The following RAX variants were observed in gnomAD, a reference collection of about 807,000 sequenced individuals.
RAX encodes retina and anterior neural fold homeobox.
Under a neutral mutation model 17.4 loss-of-function variants are expected in RAX, and 11 were observed. The observed-to-expected ratio is 0.63, with a 90% confidence interval of 0.40 to 1.05. The LOEUF (loss-of-function observed/expected upper bound fraction) is 1.05. Ranked by LOEUF, RAX falls within the 50% of genes least tolerant of loss-of-function variation. The pLI is 0.00. For synonymous variants in RAX, 276 were observed against 254.7 expected (o/e 1.08, Z -0.80); for missense variants, 527 against 501.1 (o/e 1.05, Z -0.49).
chr18:59,272,811 C>A, intron 1 of RAX, 107 bp downstream of exon 1: 1 of 1,431,992 alleles, frequency 7.0e-7, no homozygotes, highest in Non-Finnish European at 9.2e-7. Context: ...GTCCCCAACC[C>A]CGCGCCCAGT....
Position 59,272,422 on chromosome 18 carries a change from G to C in RAX, c.482C>G (p.Pro161Arg), listed in dbSNP as rs1383068323. The change falls in exon 2 of 3, where the codon CCG becomes CGG. Residue 161 changes from proline to arginine, a missense_variant. By Grantham distance (103) the Pro-to-Arg change is moderately radical (BLOSUM62 -2). Transcript: ENST00000334889. ...LERAFEKSHY[P>R]DVYSREELAG... ...CAGCTCCTCGCGGCTGTACACGTCCGGGTAGTGGGACTTCTCGAACGCGCG... is the reference window on the plus strand; with the variant it reads ...CAGCTCCTCGCGGCTGTACACGTCCCGGTAGTGGGACTTCTCGAACGCGCG... 1.2e-6 allele frequency: 2 copies of C among 1,614,108 alleles called. No homozygotes were observed. The highest frequency in any genetic ancestry group is 1.3e-5 in the African/African-American group (1 of 74,944).
intron 2 of RAX, among the ~76,000 whole-genome samples, 156 bp downstream of exon 2, chr18:59,272,205 A>T (rs748714160): frequency 6.6e-6 from 1 of 152,242 alleles, no homozygotes; most frequent in Non-Finnish European, 1.5e-5. Context: ...CACAGGGAAC[A>T]TCGAAGATCT....
At chr18:59,270,337 C>T (rs1015460865) in intron 2 of RAX, among the ~76,000 whole-genome samples, 1 of 152,110 alleles carries the variant, frequency 6.6e-6, no homozygotes, top group African/African-American at 2.4e-5. Context: ...TTTTACATTA[C>T]AAAGTTAATT....
Position 59,269,064 on chromosome 18 carries a change from C to A in RAX, c.981G>T (p.Ala327=), listed in dbSNP as rs1224172301. 2 of 1,612,774 alleles carry A rather than the reference C, an allele frequency of 1.2e-6. No individual in the cohort carries two copies. Among genetic ancestry groups the A allele is most frequent in the Non-Finnish European group, 1.7e-6 (2 of 1,179,776 alleles). ...TGTGCTCCTTGGCTTTCAGACGCAG[C>A]GCCGCGATGCTGCTGTTGCGCGGGT... The part of the protein sequence containing the change: ...EADPRNSSIA[A]LRLKAKEHIQ... The change falls in exon 3 of 3, where the codon GCG becomes GCT. Residue 327 remains alanine (A), a synonymous_variant. Coordinates refer to ENST00000334889, the MANE Select transcript of RAX (RefSeq NM_013435.3).
Position 59,269,199 on chromosome 18 carries a change from G to A in RAX, c.846C>T (p.Pro282=), listed in dbSNP as rs2070311074. The change falls in exon 3 of 3, where the codon CCC becomes CCT. Residue 282 remains proline, a synonymous_variant. Coordinates refer to ENST00000334889, the MANE Select transcript of RAX (RefSeq NM_013435.3). Reference sequence around the variant, plus strand: ...GGCCCAACGGCGGGGAGTTCAGGAAGGGCGGAGGCGGCGGCGGTGGCGTGT... The same window carrying A: ...GGCCCAACGGCGGGGAGTTCAGGAAAGGCGGAGGCGGCGGCGGTGGCGTGT... ...ASYTPPPPPP[P]FLNSPPLGPG... 1 of 1,532,386 alleles carries A rather than the reference G, an allele frequency of 6.5e-7. No individual in the cohort carries two copies. The highest frequency in any genetic ancestry group is 2.0e-5 in the Admixed American group (1 of 51,100). 94.9% of individuals were successfully genotyped at this position (1,532,386 alleles called of 1,614,324 possible).
chr18:59,268,582 A>G lies in RAX; in HGVS notation c.*422T>C. 3.9e-6 allele frequency: 1 copy of G among 253,342 alleles called. No individual in the cohort carries two copies. The highest frequency in any genetic ancestry group is 7.5e-6 in the Non-Finnish European group (1 of 132,578). The allele number at this position is 253,342 out of a possible 1,614,324, so 15.7% of individuals were successfully genotyped here. ...AATAGTTTGAAACTACTTATACAAAAGTTTCTCAAACTCTATTTTTCCGCC... is the reference window on the plus strand; with the variant it reads ...AATAGTTTGAAACTACTTATACAAAGGTTTCTCAAACTCTATTTTTCCGCC... On this transcript the variant is annotated 3_prime_UTR_variant, in exon 3 of 3. Transcript: ENST00000334889. The surrounding 1 kb of genome is among the most constrained non-coding windows in gnomAD (Gnocchi z 4.4).
In RAX at chr18:59,272,447, G is replaced by C. The variant is rs780624068; in HGVS notation, c.457C>G (p.Arg153Gly). 2.5e-6 allele frequency: 4 copies of C among 1,614,202 alleles called. No individual in the cohort carries two copies. The highest frequency in any genetic ancestry group is 3.4e-6 in the Non-Finnish European group (4 of 1,180,050). ...GGGTAGTGGGACTTCTCGAACGCGC[G>C]CTCCAGCTCATGCAGCTGGTACGTG... Reference protein sequence around the residue: ...FTTYQLHELERAFEKSHYPDV... With the variant: ...FTTYQLHELEGAFEKSHYPDV... Residue 153 changes from arginine (R) to glycine (G), a missense_variant, in exon 2 of 3, where the codon CGC (arginine) becomes GGC (glycine). Transcript: ENST00000334889.
At chr18:59,269,886 A>G (rs772496269) in intron 2 of RAX, among the ~76,000 whole-genome samples, 20 of 152,052 alleles carry the variant, frequency 1.3e-4, no homozygotes, top group Non-Finnish European at 2.6e-4. Flanking sequence ...GCGTAGCAGA[A>G]GCTCAGAAAA....
In RAX at chr18:59,268,713, G is replaced by C. The variant is rs3744892; in HGVS notation, c.*291C>G. The C allele has an allele frequency of 5.5e-6, 3 of 546,872 alleles. No homozygotes were observed. The highest frequency in any genetic ancestry group is 9.7e-6 in the Non-Finnish European group (3 of 309,946). The allele number at this position is 546,872 out of a possible 1,614,324, so 33.9% of individuals were successfully genotyped here. Reference sequence around the variant, plus strand: ...GGGCCTGGAGGCTCCAGCGCCTGCGGTGATGGGAGCGGCGTGGCCAGCGGG... The same window carrying C: ...GGGCCTGGAGGCTCCAGCGCCTGCGCTGATGGGAGCGGCGTGGCCAGCGGG... On this transcript the variant is annotated 3_prime_UTR_variant, in exon 3 of 3. Transcript: ENST00000334889. This position sits in a 1 kb window ranked among gnomAD's most constrained non-coding sequence, Gnocchi z 4.4.
intron 2 of RAX, among the ~76,000 whole-genome samples, chr18:59,269,941 C>A (rs1003538642): frequency 6.6e-6 from 1 of 152,122 alleles, no homozygotes; most frequent in Admixed American, 6.5e-5. Context: ...AACTTTGAAA[C>A]GAGATCTCAC....
At position 59,269,212 on chromosome 18, in the gene RAX, G is replaced by C; in HGVS notation, c.833C>G (p.Pro278Arg). 1 of 1,530,454 alleles carries C rather than the reference G, an allele frequency of 6.5e-7. No homozygotes were observed. The highest frequency in any genetic ancestry group is 8.7e-7 in the Non-Finnish European group (1 of 1,143,868). 94.8% of individuals were successfully genotyped at this position (1,530,454 alleles called of 1,614,324 possible). A position where few individuals can be genotyped will look rare whatever the true frequency, so the allele number is the denominator to read the frequency against. Residue 278 changes from proline to arginine, a missense_variant, in exon 3 of 3, where the codon CCG becomes CGG. Coordinates refer to ENST00000334889, the MANE Select transcript of RAX (RefSeq NM_013435.3). Reference protein sequence around the residue: ...QSLPASYTPPPPPPPFLNSPP... With the variant: ...QSLPASYTPPRPPPPFLNSPP... ...GGAGTTCAGGAAGGGCGGAGGCGGC[G>C]GCGGTGGCGTGTAGCTGGCAGGCAG...
At position 59,272,906 on chromosome 18, in the gene RAX, G is replaced by T. The variant is rs561135672; in HGVS notation, c.289+12C>A. On this transcript the variant is annotated intron_variant, in intron 1 of 2. Transcript: ENST00000334889. ...CCCGAACGGCCTCGCACAGCCAGGG[G>T]TGCGCACTCACCTTCGTACTCGGGG... The T allele has an allele frequency of 6.7e-7, 1 of 1,491,968 alleles. No homozygotes were observed. Among genetic ancestry groups the T allele is most frequent in the East Asian group, 2.4e-5 (1 of 41,776 alleles). 92.4% of individuals were successfully genotyped at this position (1,491,968 alleles called of 1,614,324 possible). A position where few individuals can be genotyped will look rare whatever the true frequency, so the allele number is the denominator to read the frequency against.
At position 59,273,307 on chromosome 18, in the gene RAX, C is replaced by A; in HGVS notation, c.-101G>T. The A allele has an allele frequency of 8.0e-7, 1 of 1,249,994 alleles. No individual in the cohort carries two copies. Among genetic ancestry groups the A allele is most frequent in the Admixed American group, 2.9e-5 (1 of 34,230 alleles). The allele number at this position is 1,249,994 out of a possible 1,614,324, so 77.4% of individuals were successfully genotyped here. On this transcript the variant is annotated 5_prime_UTR_variant, in exon 1 of 3. In the 5' UTR this introduces an upstream ATG that the reference lacks. Coordinates refer to ENST00000334889, the MANE Select transcript of RAX (RefSeq NM_013435.3). The stretch of plus-strand genomic sequence containing the variant: ...CGGTGCAACCCGACGGGTCCCGACC[C>A]TAGGTCAAGCTCCGCGGGCGAAGCC...
chr18:59,267,242 G>A lies in RAX; in HGVS notation c.*1762C>T, dbSNP rs1185278261. 1 of 152,194 alleles carries A rather than the reference G, an allele frequency of 6.6e-6. No homozygotes were observed. Among genetic ancestry groups the A allele is most frequent in the Non-Finnish European group, 1.5e-5 (1 of 68,054 alleles). 9.4% of individuals were successfully genotyped at this position (152,194 alleles called of 1,614,324 possible). A position where few individuals can be genotyped will look rare whatever the true frequency, so the allele number is the denominator to read the frequency against. On this transcript the variant is annotated 3_prime_UTR_variant, in exon 3 of 3. Transcript: ENST00000334889. The stretch of plus-strand genomic sequence containing the variant: ...TGGAGGTCTAGGGGTACACAGCCCT[G>A]GTTATGCAATAGCCTCTTAGACCCG...
rs764180472 is a variant in RAX, at chr18:59,269,078, T to C, written c.967A>G (p.Ser323Gly). The change falls in exon 3 of 3, where the codon AGC (serine) becomes GGC (glycine). Residue 323 changes from serine to glycine, a missense_variant. Ser to Gly is a moderately conservative substitution (Grantham distance 56). Transcript: ENST00000334889. The stretch of plus-strand genomic sequence containing the variant: ...TTCAGACGCAGCGCCGCGATGCTGC[T>C]GTTGCGCGGGTCCGCCTCGTCCAGC... ...FPLDEADPRN[S>G]SIAALRLKAK... The C allele has an allele frequency of 1.4e-4, 221 of 1,612,538 alleles. No homozygotes were observed. The highest frequency in any genetic ancestry group is 1.7e-4 in the Non-Finnish European group (205 of 1,179,716).
rs1568096318 is a variant in RAX, at chr18:59,268,772, T to A, written c.*232A>T. ...GCCTGTTGCCCTCCAGCTGCAGGGC[T>A]GAGGTCCGCGAAGTGCGTTGAGGCG... On this transcript the variant is annotated 3_prime_UTR_variant, in exon 3 of 3. Coordinates refer to ENST00000334889, the MANE Select transcript of RAX (RefSeq NM_013435.3). The surrounding 1 kb of genome is among the most constrained non-coding windows in gnomAD (Gnocchi z 4.4). The A allele has an allele frequency of 4.2e-5, 29 of 683,184 alleles. No individual in the cohort carries two copies. The highest frequency in any genetic ancestry group is 4.5e-5 in the Non-Finnish European group (19 of 420,496). 42.3% of individuals were successfully genotyped at this position (683,184 alleles called of 1,614,324 possible). A position where few individuals can be genotyped will look rare whatever the true frequency, so the allele number is the denominator to read the frequency against.
rs546163828 is a variant in RAX at position 59,268,865 on chromosome 18, C to T, written c.*139G>A. The stretch of plus-strand genomic sequence containing the variant: ...CGTGCATCGGGAGCAGGCGCGTGGC[C>T]CTGAACTATGCTTGGCGGGTGGCTG... On this transcript the variant is annotated 3_prime_UTR_variant, in exon 3 of 3. Coordinates refer to ENST00000334889, the MANE Select transcript of RAX (RefSeq NM_013435.3). The surrounding 1 kb of genome is among the most constrained non-coding windows in gnomAD (Gnocchi z 4.4). 2 of 1,415,190 alleles carry T rather than the reference C, an allele frequency of 1.4e-6. No homozygotes were observed. Among genetic ancestry groups the T allele is most frequent in the African/African-American group, 1.4e-5 (1 of 71,084 alleles). The allele number at this position is 1,415,190 out of a possible 1,614,324, so 87.7% of individuals were successfully genotyped here. A position where few individuals can be genotyped will look rare whatever the true frequency, so the allele number is the denominator to read the frequency against.
intron 2 of RAX, among the ~76,000 whole-genome samples, chr18:59,271,554 C>T (rs1462728806): frequency 6.6e-6 from 1 of 152,224 alleles, no homozygotes; most frequent in Non-Finnish European, 1.5e-5. Flanking sequence ...GATAAAAGCT[C>T]CGAACACTTG....
At position 59,269,344 on chromosome 18, in the gene RAX, G is replaced by C; in HGVS notation, c.701C>G (p.Pro234Arg). 1 of 1,342,586 alleles carries C rather than the reference G, an allele frequency of 7.4e-7. No homozygotes were observed. Among genetic ancestry groups the C allele is most frequent in the Non-Finnish European group, 9.5e-7 (1 of 1,049,358 alleles). The allele number at this position is 1,342,586 out of a possible 1,614,324, so 83.2% of individuals were successfully genotyped here. The stretch of plus-strand genomic sequence containing the variant: ...CTCCAGCGGCAGCGCGCCCCCAGCC[G>C]GCCCGCCACCGCTGCCCGGGCCCGC... The part of the protein sequence containing the change: ...LGAGPGSGGG[P>R]AGGALPLESW... The change falls in exon 3 of 3, where the codon CCG (proline) becomes CGG (arginine). Residue 234 changes from proline (P) to arginine (R), a missense_variant. By Grantham distance (103) the Pro-to-Arg change is moderately radical. Coordinates refer to ENST00000334889, the MANE Select transcript of RAX (RefSeq NM_013435.3).
Sources: allele counts gnomAD v4.1 joint callset (sites outside exome capture counted in the v4.1 genomes callset), GRCh38; gene constraint gnomAD v4.1.1; non-coding constraint Gnocchi (gnomAD v3.1); transcripts MANE v1.5; gene names NCBI Gene and HGNC (gene_info 2026-07-23, HGNC 2026-07-21).